MAPK8: variants seen among roughly 807,000 people sequenced by gnomAD.
MAPK8 encodes JUN N-terminal kinase.
MAPK8 carries 13 observed loss-of-function variants against 52.9 expected under a neutral mutation model. The observed-to-expected ratio is 0.25, with a 90% CI of 0.16 to 0.39. The LOEUF is 0.39. MAPK8 is among the 10% of genes least tolerant of loss of function. The pLI, the probability that MAPK8 is intolerant of heterozygous loss-of-function variation, is 1.00. For synonymous variants in MAPK8, 191 were observed against 169.8 expected, an observed-to-expected ratio of 1.12 and a Z score of -0.97; for missense variants, 300 against 519.2, an observed-to-expected ratio of 0.58 and a Z score of 4.10.
intron 1 of MAPK8, among the ~76,000 whole-genome samples, chr10:48,396,454 G>T (rs147496582): frequency 1.0e-3 from 153 of 152,282 alleles, no homozygotes; most frequent in Non-Finnish European, 2.2e-4. Context: ...CGAAGAGTTG[G>T]TAAGAATGTA....
chr10:48,414,324 T>A (rs976047157), intron 5 of MAPK8, among the ~76,000 whole-genome samples: 2 of 152,210 alleles, frequency 1.3e-5, no homozygotes, highest in African/African-American at 4.8e-5. Flanking sequence ...GATTATAATT[T>A]GGGTTGTTAC....
chr10:48,426,356 A>T (rs756690409), intron 8 of MAPK8, 24 bp from the exon 9 acceptor site: 6 of 1,578,778 alleles, frequency 3.8e-6, no homozygotes, highest in Non-Finnish European at 5.1e-6. Flanking sequence ...AAATATATGT[A>T]CATTAACACC....
intron 1 of MAPK8, among the ~76,000 whole-genome samples, chr10:48,387,665 A>G (rs1044661876): frequency 4.6e-5 from 7 of 152,164 alleles, no homozygotes; most frequent in Non-Finnish European, 7.4e-5. Context: ...AATTCTGCCC[A>G]TCCTAGGAAG....
intron 1 of MAPK8, among the ~76,000 whole-genome samples, chr10:48,386,369 C>T (rs1420122542): frequency 6.6e-6 from 1 of 152,064 alleles, no homozygotes; most frequent in Non-Finnish European, 1.5e-5. Context: ...TTATGGGTAT[C>T]AATTTTTCTT....
rs1289850073 is a variant in MAPK8, at chr10:48,437,266, A to T, written c.*2237A>T. ...TGCATGCCCTAGGTTTTAAATTACT[A>T]CATCCAAATACAGTTTTCGTCTTAA... On this transcript the variant is annotated 3_prime_UTR_variant, in exon 12 of 12. Coordinates refer to ENST00000374189, the MANE Select transcript of MAPK8 (RefSeq NM_001323329.2). 1 of 152,242 alleles carries T rather than the reference A, an allele frequency of 6.6e-6. No homozygotes were observed. Among genetic ancestry groups the T allele is most frequent in the Non-Finnish European group, 1.5e-5 (1 of 68,046 alleles). The allele number at this position is 152,242 out of a possible 1,614,324, so 9.4% of individuals were successfully genotyped here.
Position 48,438,920 on chromosome 10 carries a change from G to C in MAPK8, c.*3891G>C, listed in dbSNP as rs768112943. On this transcript the variant is annotated 3_prime_UTR_variant, in exon 12 of 12. Coordinates refer to ENST00000374189, the MANE Select transcript of MAPK8 (RefSeq NM_001323329.2). ...GAGTAAATCTTAGTAAAAATTTTAC[G>C]AAGAAATAAATTACTTTTGTAGGCC... 2 of 152,166 alleles carry C rather than the reference G, an allele frequency of 1.3e-5. No homozygotes were observed. The highest frequency in any genetic ancestry group is 6.5e-5 in the Admixed American group (1 of 15,278). The allele number at this position is 152,166 out of a possible 1,614,324, so 9.4% of individuals were successfully genotyped here.
chr10:48,406,537 G>A (rs1191722537), intron 3 of MAPK8, among the ~76,000 whole-genome samples: 2 of 152,202 alleles, frequency 1.3e-5, no homozygotes, highest in Non-Finnish European at 2.9e-5. Flanking sequence ...AGAACTCTCA[G>A]CACCTAGAAG....
chr10:48,401,751 C>T lies in MAPK8; in HGVS notation c.91C>T (p.Pro31Ser). The T allele has an allele frequency of 6.4e-7, 1 of 1,555,604 alleles. No individual in the cohort carries two copies. Among genetic ancestry groups the T allele is most frequent in the Non-Finnish European group, 8.6e-7 (1 of 1,157,502 alleles). The change falls in exon 2 of 12, where the codon CCT becomes TCT. Residue 31 changes from proline to serine, a missense_variant. Physicochemically the swap from Pro to Ser is moderately conservative, Grantham distance 74. Around this residue, in one of 3 missense-constraint regions of MAPK8, gnomAD observed 34 missense variants for 36.7 expected, o/e 0.93. Transcript: ENST00000374189. The part of the protein sequence containing the change: ...TVLKRYQNLK[P>S]IGSGAQGIVC... The stretch of plus-strand genomic sequence containing the variant: ...CCTGAAACGATATCAGAATTTAAAA[C>T]CTATAGGCTCAGGAGCTCAAGGAAT...
chr10:48,411,061 C>G (rs569149162), intron 5 of MAPK8, among the ~76,000 whole-genome samples: 1 of 152,278 alleles, frequency 6.6e-6, no homozygotes, highest in East Asian at 1.9e-4. Context: ...AATATTTTCT[C>G]CCATTCTGTA....
chr10:48,350,695 G>C (rs1033784935), intron 1 of MAPK8, among the ~76,000 whole-genome samples: 2 of 152,146 alleles, frequency 1.3e-5, no homozygotes, highest in African/African-American at 4.8e-5. Flanking sequence ...CATTCCCTTT[G>C]AAAACCAGCA....
intron 1 of MAPK8, among the ~76,000 whole-genome samples, chr10:48,307,641 T>G (rs1841526804): frequency 6.6e-6 from 1 of 152,260 alleles, no homozygotes; most frequent in South Asian, 2.1e-4. Flanking sequence ...TGCTTGGTCT[T>G]TACTGCGAAT....
intron 5 of MAPK8, among the ~76,000 whole-genome samples, chr10:48,414,448 AT>A (rs3047768): frequency 1.6e-4 from 21 of 133,786 alleles, no homozygotes; most frequent in African/African-American, 3.1e-4. Context: ...TATTGAGAGG[AT>A]TTTTTTTTTT....
rs1392200412 is a variant in MAPK8 at position 48,413,260 on chromosome 10, A to G, written c.450+3092A>G. Among the ~76,000 whole-genome samples, 4 of 152,210 alleles carry G rather than the reference A, an allele frequency of 2.6e-5. 1 individual carries two copies. Among genetic ancestry groups the G allele is most frequent in the Non-Finnish European group, 5.9e-5 (4 of 68,000 alleles). On this transcript the variant is annotated intron_variant, in intron 5 of 11. Coordinates refer to ENST00000374189, the MANE Select transcript of MAPK8 (RefSeq NM_001323329.2). ...ATGCTGCTATGAACATGGTTGTCCA[A>G]ATATCTCTTTGAGACCCTACTTTTC... is the stretch of plus-strand genomic sequence containing the variant.
chr10:48,356,015 G>A (rs1846889952), intron 1 of MAPK8, among the ~76,000 whole-genome samples: 1 of 152,186 alleles, frequency 6.6e-6, no homozygotes, highest in Non-Finnish European at 1.5e-5. Context: ...CAAAAACTGA[G>A]CATTTGCAAT....
At chr10:48,328,300 CT>C (rs149812521) in intron 1 of MAPK8, among the ~76,000 whole-genome samples, 16,711 of 144,884 alleles carry the variant, frequency 0.12, 939 homozygotes, top group African/African-American at 0.13. Flanking sequence ...AATGAGCCAG[CT>C]TTTTTTTTTT....
intron 1 of MAPK8, among the ~76,000 whole-genome samples, chr10:48,319,298 C>A (rs1296870726): frequency 2.6e-5 from 4 of 152,182 alleles, no homozygotes; most frequent in Admixed American, 6.5e-5. Flanking sequence ...CAGCTCAAAG[C>A]TTTTTTAGTA....
chr10:48,434,477 T>C (rs966024326), intron 11 of MAPK8, among the ~76,000 whole-genome samples: 1 of 152,212 alleles, frequency 6.6e-6, no homozygotes, highest in Non-Finnish European at 1.5e-5. Flanking sequence ...CTTTTAACTT[T>C]TGTAGTTACA....
At chr10:48,386,274 T>G (rs947972249) in intron 1 of MAPK8, among the ~76,000 whole-genome samples, 1 of 152,194 alleles carries the variant, frequency 6.6e-6, no homozygotes, top group Admixed American at 6.6e-5. Flanking sequence ...GGCAAAGATT[T>G]AACCCAAGTA....
At chr10:48,380,726 C>T (rs1314634517) in intron 1 of MAPK8, among the ~76,000 whole-genome samples, 8 of 151,888 alleles carry the variant, frequency 5.3e-5, no homozygotes, top group Non-Finnish European at 8.8e-5. Context: ...GAGCAGGGCT[C>T]CCATCTAAAA....
Sources: allele counts gnomAD v4.1 joint callset (sites outside exome capture counted in the v4.1 genomes callset), GRCh38; gene constraint gnomAD v4.1.1; regional missense constraint gnomAD v4.1.1; transcripts MANE v1.5; gene names NCBI Gene and HGNC (gene_info 2026-07-23, HGNC 2026-07-21).